The following SLC24A3 variants were observed in gnomAD, a reference collection of about 807,000 sequenced individuals.
The protein encoded by SLC24A3 is sodium/potassium/calcium exchanger 3.
In SLC24A3, 28 loss-of-function variants were observed where a neutral mutation model predicts 75.8. The ratio of observed to expected loss-of-function variants is 0.37; its 90% CI spans 0.27 to 0.51. SLC24A3 has a LOEUF of 0.51. Among genes scored for constraint, SLC24A3 ranks in the 20% least tolerant of loss-of-function variants. The probability of loss-of-function intolerance (pLI) is 0.94; values close to 1 mark genes in which losing one functional copy is unlikely to be tolerated. For synonymous variants in SLC24A3, 372 were observed against 334.1 expected (o/e 1.11, Z -1.24); for missense variants, 663 against 847.8 (o/e 0.78, Z 2.71).
intron 2 of SLC24A3, among the ~76,000 whole-genome samples, chr20:19,386,477 A>C (rs1250715465): frequency 6.6e-6 from 1 of 152,198 alleles, no homozygotes; most frequent in Non-Finnish European, 1.5e-5. Flanking sequence ...GAGAGTGGGC[A>C]TCCTTGCCTT....
At chr20:19,363,966 T>C (rs369306803) in intron 2 of SLC24A3, among the ~76,000 whole-genome samples, 6 of 152,098 alleles carry the variant, frequency 3.9e-5, no homozygotes, top group African/African-American at 7.2e-5. Context: ...TGATGTCAGA[T>C]GATTGGCTGT....
At chr20:19,300,409 C>T (rs1984167204) in intron 2 of SLC24A3, among the ~76,000 whole-genome samples, 1 of 152,194 alleles carries the variant, frequency 6.6e-6, no homozygotes, top group Non-Finnish European at 1.5e-5. Flanking sequence ...GGTGAAGACA[C>T]TTCCTAGGTG....
At chr20:19,492,896 C>T (rs901200640) in intron 2 of SLC24A3, among the ~76,000 whole-genome samples, 21 of 152,220 alleles carry the variant, frequency 1.4e-4, no homozygotes, top group African/African-American at 5.1e-4. Context: ...GTGTACTTCT[C>T]ATACCTTAAG....
intron 2 of SLC24A3, among the ~76,000 whole-genome samples, chr20:19,512,811 G>T (rs2029908244): frequency 6.6e-6 from 1 of 152,230 alleles, no homozygotes; most frequent in Non-Finnish European, 1.5e-5. Context: ...GAGGAAGCTT[G>T]TGGGGCGGAA....
chr20:19,686,559 A>T (rs2032678269), intron 12 of SLC24A3, among the ~76,000 whole-genome samples: 1 of 152,210 alleles, frequency 6.6e-6, no homozygotes, highest in African/African-American at 2.4e-5. Flanking sequence ...GGGATGTTTG[A>T]ATGTGCAGGA....
intron 13 of SLC24A3, chr20:19,694,011 G>A (rs1228070160): frequency 2.6e-5 from 4 of 152,286 alleles, no homozygotes; most frequent in Admixed American, 6.5e-5. Context: ...AATCCCTATC[G>A]GCATCTTAGT....
chr20:19,250,305 A>G (rs1982612189), intron 1 of SLC24A3, among the ~76,000 whole-genome samples: 1 of 152,244 alleles, frequency 6.6e-6, no homozygotes, highest in Non-Finnish European at 1.5e-5. Flanking sequence ...TTGCTGGGAT[A>G]CACATACTGT....
rs77058282 is a variant in SLC24A3 at position 19,598,497 on chromosome 20, T to A, written c.612+12953T>A. Among the ~76,000 whole-genome samples the A allele has an allele frequency of 6.6e-3, 999 of 152,036 alleles. 14 individuals carry two copies. The highest frequency in any genetic ancestry group is 0.023 in the African/African-American group (956 of 41,442). Reference sequence around the variant, plus strand: ...TCTTGTGTGTGGAAGGGAGGATGAGTTTCTTCTTCCCTTCCCTATAGTGCA... The same window carrying A: ...TCTTGTGTGTGGAAGGGAGGATGAGATTCTTCTTCCCTTCCCTATAGTGCA... On this transcript the variant is annotated intron_variant, in intron 6 of 16. Transcript: ENST00000328041.
intron 6 of SLC24A3, among the ~76,000 whole-genome samples, chr20:19,593,266 C>T (rs1233783477): frequency 6.6e-6 from 1 of 152,182 alleles, no homozygotes; most frequent in Non-Finnish European, 1.5e-5. Flanking sequence ...CAAGAATCTG[C>T]CAAATGAGCC....
rs147425158 is a variant in SLC24A3 at position 19,640,332 on chromosome 20, A to C, written c.613-13730A>C. 1.4e-4 allele frequency among the ~76,000 whole-genome samples: 22 copies of C among 152,324 alleles called. No individual in the cohort carries two copies. In the East Asian group the frequency reaches 3.5e-3, roughly 24 times the overall value. Reference sequence around the variant, plus strand: ...GACACCTGAAATAAGGAAAAGGAGAAATTTTAAGAATGCTGACCCCTGGTG... The same window carrying C: ...GACACCTGAAATAAGGAAAAGGAGACATTTTAAGAATGCTGACCCCTGGTG... On this transcript the variant is annotated intron_variant, in intron 6 of 16. Transcript: ENST00000328041.
intron 9 of SLC24A3, among the ~76,000 whole-genome samples, chr20:19,678,786 C>A (rs1235232825): frequency 1.2e-4 from 18 of 146,614 alleles, no homozygotes; most frequent in South Asian, 6.6e-4. Flanking sequence ...ACTTCTCAGA[C>A]GGGGCGGTTG....
chr20:19,611,881 G>T (rs910258908), intron 6 of SLC24A3, among the ~76,000 whole-genome samples: 3 of 152,148 alleles, frequency 2.0e-5, no homozygotes, highest in African/African-American at 7.2e-5. Flanking sequence ...TGGCGCACTT[G>T]TTCACTCCTG....
At chr20:19,652,698 C>T (rs913586369) in intron 6 of SLC24A3, among the ~76,000 whole-genome samples, 2 of 152,148 alleles carry the variant, frequency 1.3e-5, no homozygotes, top group Non-Finnish European at 2.9e-5. Context: ...ATTTATGGTC[C>T]TATTTAAGTC....
chr20:19,451,361 G>A (rs1195993496), intron 2 of SLC24A3, among the ~76,000 whole-genome samples: 2 of 152,146 alleles, frequency 1.3e-5, no homozygotes, highest in African/African-American at 2.4e-5. Context: ...CTCTGGGGTT[G>A]GGGGTTTCTG....
At chr20:19,531,139 C>G (rs189539569) in intron 3 of SLC24A3, among the ~76,000 whole-genome samples, 4 of 152,054 alleles carry the variant, frequency 2.6e-5, no homozygotes, top group Admixed American at 2.6e-4. Context: ...CAGAAAGGCC[C>G]CCTGATGTTT....
chr20:19,569,032 G>T (rs1004703577), intron 3 of SLC24A3, among the ~76,000 whole-genome samples: 2 of 152,106 alleles, frequency 1.3e-5, no homozygotes, highest in African/African-American at 4.8e-5. Flanking sequence ...AATGGAAATG[G>T]TTCACAAACC....
chr20:19,473,335 T>C (rs544793618), intron 2 of SLC24A3, among the ~76,000 whole-genome samples: 1 of 152,228 alleles, frequency 6.6e-6, no homozygotes, highest in East Asian at 1.9e-4. Context: ...AGGCTTGGGG[T>C]TTATGGAATT....
At chr20:19,631,293 G>C (rs1365795407) in intron 6 of SLC24A3, among the ~76,000 whole-genome samples, 2 of 152,188 alleles carry the variant, frequency 1.3e-5, no homozygotes, top group Non-Finnish European at 2.9e-5. Context: ...GTTGCAGTAA[G>C]CTGAGATCAC....
chr20:19,698,471 G>A, intron 14 of SLC24A3, 97 bp from the exon 15 acceptor site: 1 of 775,786 alleles, frequency 1.3e-6, no homozygotes, highest in Non-Finnish European at 2.2e-6. Flanking sequence ...TGAGCTTGCA[G>A]AACCACTCTC....
Sources: allele counts gnomAD v4.1 joint callset (sites outside exome capture counted in the v4.1 genomes callset), GRCh38; gene constraint gnomAD v4.1.1; transcripts MANE v1.5; gene names NCBI Gene and HGNC (gene_info 2026-07-23, HGNC 2026-07-21).